BMPR1A: variants seen among roughly 807,000 people sequenced by gnomAD.
BMPR1A encodes the protein bone morphogenetic protein receptor type-1A.
BMPR1A carries 7 observed loss-of-function variants against 66.0 expected under a neutral mutation model. The observed-to-expected ratio is 0.11, with a 90% CI of 0.06 to 0.20. The LOEUF is 0.20. Ranked by LOEUF, BMPR1A falls within the 10% of genes least tolerant of loss-of-function variation. The pLI is 1.00. For synonymous variants in BMPR1A, 200 were observed against 229.7 expected (o/e 0.87, Z 1.17); for missense variants, 408 against 669.1 (o/e 0.61, Z 4.31).
At chr10:86,820,282 A>G (rs545217778) in intron 1 of BMPR1A, among the ~76,000 whole-genome samples, 2 of 152,052 alleles carry the variant, frequency 1.3e-5, no homozygotes, top group South Asian at 4.1e-4. Flanking sequence ...GGTTTAAGCA[A>G]TCCTCTTGCC....
chr10:86,783,875 GTTA>G, intron 1 of BMPR1A, among the ~76,000 whole-genome samples: 1 of 152,286 alleles, frequency 6.6e-6, no homozygotes, highest in South Asian at 2.1e-4. Context: ...TCATTTTGAT[GTTA>G]TTATAAATGG....
At chr10:86,756,584 GC>G (rs1181313436), upstream of BMPR1A, 6 of 150,476 alleles carry the variant, frequency 4.0e-5, no homozygotes, top group African/African-American at 1.2e-4. Flanking sequence ...CCTCCCCCAG[GC>G]CCCCGCACCC....
At chr10:86,891,292 AC>A (rs1335762334) in intron 4 of BMPR1A, among the ~76,000 whole-genome samples, 1 of 152,166 alleles carries the variant, frequency 6.6e-6, no homozygotes, top group African/African-American at 2.4e-5. Flanking sequence ...TGTCTGTAGT[AC>A]CTGCCTGATG....
intron 2 of BMPR1A, among the ~76,000 whole-genome samples, chr10:86,858,290 G>A (rs4934277): frequency 0.41 from 61,645 of 152,000 alleles, 15,133 homozygotes; most frequent in East Asian, 0.71. Context: ...TTTAGGAACA[G>A]TTGACATACC....
intron 10 of BMPR1A, among the ~76,000 whole-genome samples, chr10:86,920,060 T>C (rs754864789): frequency 6.6e-5 from 10 of 152,208 alleles, no homozygotes; most frequent in Non-Finnish European, 1.5e-4. Context: ...GTTTTCCATA[T>C]GTGGAGGTAC....
chr10:86,813,701 A>G (rs988697035), intron 1 of BMPR1A, among the ~76,000 whole-genome samples: 1 of 152,120 alleles, frequency 6.6e-6, no homozygotes, highest in Non-Finnish European at 1.5e-5. Context: ...GCATGTTGCC[A>G]TTAGAACGCA....
rs1564685661 is a variant in BMPR1A at position 86,790,225 on chromosome 10, AT to A, written c.-268+33307del. 7.9e-4 allele frequency among the ~76,000 whole-genome samples: 72 copies of A among 91,194 alleles called. 10 individuals carry two copies. Among genetic ancestry groups the A allele is most frequent in the South Asian group, 1.7e-3 (4 of 2,354 alleles). 59.8% of individuals were successfully genotyped at this position (91,194 alleles called of 152,430 possible). ...TATATATATATATATATATATATAT[AT>A]ATATATATATCAAAACCACAATGAG... On this transcript the variant is annotated intron_variant, in intron 1 of 12. Transcript: ENST00000372037.
At chr10:86,852,829 T>G (rs1842589814) in intron 2 of BMPR1A, among the ~76,000 whole-genome samples, 1 of 152,204 alleles carries the variant, frequency 6.6e-6, no homozygotes, top group Non-Finnish European at 1.5e-5. Context: ...AGGAGGGTAT[T>G]GTTATTATGT....
intron 1 of BMPR1A, among the ~76,000 whole-genome samples, chr10:86,803,769 C>T (rs535822222): frequency 6.6e-5 from 10 of 152,098 alleles, no homozygotes; most frequent in Middle Eastern, 3.4e-3. Flanking sequence ...TTTCAAAAGT[C>T]GAGGATATTT....
intron 1 of BMPR1A, among the ~76,000 whole-genome samples, chr10:86,777,310 G>A (rs185947812): frequency 4.6e-5 from 7 of 152,320 alleles, no homozygotes; most frequent in Admixed American, 4.6e-4. Context: ...TGGGCACGGT[G>A]GCTCATGCCT....
chr10:86,834,695 A>G (rs1174746697), intron 1 of BMPR1A, among the ~76,000 whole-genome samples: 1 of 152,178 alleles, frequency 6.6e-6, no homozygotes, highest in African/African-American at 2.4e-5. Flanking sequence ...TGCATGGTAT[A>G]CTATCCTAAA....
chr10:86,882,498 A>AG (rs905270362), intron 3 of BMPR1A, among the ~76,000 whole-genome samples: 4 of 152,106 alleles, frequency 2.6e-5, no homozygotes, highest in African/African-American at 9.7e-5. Flanking sequence ...AAGGACAAGA[A>AG]GCATATACAT....
intron 1 of BMPR1A, among the ~76,000 whole-genome samples, chr10:86,792,248 A>C (rs1009798418): frequency 4.6e-5 from 7 of 151,562 alleles, no homozygotes; most frequent in African/African-American, 1.7e-4. Context: ...TTGTATTTTT[A>C]GTAGAGATGG....
At chr10:86,797,917 T>C (rs1841747677) in intron 1 of BMPR1A, among the ~76,000 whole-genome samples, 2 of 152,106 alleles carry the variant, frequency 1.3e-5, no homozygotes, top group Admixed American at 6.5e-5. Flanking sequence ...AATATATTTA[T>C]ATATTTAAAA....
intron 1 of BMPR1A, among the ~76,000 whole-genome samples, chr10:86,775,442 G>A (rs1328963763): frequency 6.6e-6 from 1 of 152,134 alleles, no homozygotes; most frequent in Non-Finnish European, 1.5e-5. Context: ...TGTGAAGGGT[G>A]GACACAAGGC....
In BMPR1A at chr10:86,875,965, T is replaced by C. The variant is rs375966139; in HGVS notation, c.-54T>C. 2 of 1,412,186 alleles carry C rather than the reference T, an allele frequency of 1.4e-6. No homozygotes were observed. Among genetic ancestry groups the C allele is most frequent in the African/African-American group, 1.4e-5 (1 of 69,112 alleles). The allele number at this position is 1,412,186 out of a possible 1,614,324, so 87.5% of individuals were successfully genotyped here. A position where few individuals can be genotyped will look rare whatever the true frequency, so the allele number is the denominator to read the frequency against. ...ATGATAGTCATTTAAATTGGTGAAG[T>C]AGCAAGACCAATTATTAAAGGTGAC... On this transcript the variant is annotated 5_prime_UTR_variant, in exon 3 of 13. Coordinates refer to ENST00000372037, the MANE Select transcript of BMPR1A (RefSeq NM_004329.3).
At chr10:86,767,069 G>A (rs571676378) in intron 1 of BMPR1A, among the ~76,000 whole-genome samples, 3 of 152,164 alleles carry the variant, frequency 2.0e-5, no homozygotes, top group East Asian at 3.9e-4. Context: ...TGATCCGCCC[G>A]CCTTGGCCTC....
At chr10:86,918,838 G>A (rs1479551783) in intron 9 of BMPR1A, among the ~76,000 whole-genome samples, 1 of 152,104 alleles carries the variant, frequency 6.6e-6, no homozygotes, top group African/African-American at 2.4e-5. Context: ...GGCCAGGCTG[G>A]TCTCGAGCTC....
chr10:86,773,629 A>T (rs904071027), intron 1 of BMPR1A, among the ~76,000 whole-genome samples: 1 of 150,266 alleles, frequency 6.7e-6, no homozygotes, highest in Non-Finnish European at 1.5e-5. Context: ...ACAACACCAG[A>T]TGGAAATAGA....
Sources: allele counts gnomAD v4.1 joint callset (sites outside exome capture counted in the v4.1 genomes callset), GRCh38; gene constraint gnomAD v4.1.1; transcripts MANE v1.5; gene names NCBI Gene and HGNC (gene_info 2026-07-23, HGNC 2026-07-21).